Variants in NCOA1 observed in about 807,000 individuals in gnomAD.
The protein encoded by NCOA1 is nuclear receptor coactivator 1, also known as Hin-2 protein.
A neutral mutation model predicts 150.9 loss-of-function variants in NCOA1; 35 were observed. That is an observed-to-expected ratio of 0.23 (90% confidence interval 0.18 to 0.31). NCOA1 has a LOEUF of 0.31. NCOA1 is among the 10% of genes least tolerant of loss of function. NCOA1 has a pLI of 1.00. For synonymous variants in NCOA1, 590 were observed against 630.0 expected (o/e 0.94, Z 0.95); for missense variants, 1,491 against 1,749.3 (o/e 0.85, Z 2.63).
At chr2:24,518,043 G>A (rs1664275100) in intron 1 of NCOA1, among the ~76,000 whole-genome samples, 1 of 151,892 alleles carries the variant, frequency 6.6e-6, no homozygotes, top group South Asian at 2.1e-4. Context: ...AACATAACTA[G>A]TAATAACAAC....
At chr2:24,618,490 A>G (rs1434883924) in intron 3 of NCOA1, among the ~76,000 whole-genome samples, 1 of 152,204 alleles carries the variant, frequency 6.6e-6, no homozygotes, top group Non-Finnish European at 1.5e-5. Context: ...CAGCCAATGG[A>G]ATTCAGCCAA....
At chr2:24,717,868 A>C (rs1004987455) in intron 14 of NCOA1, among the ~76,000 whole-genome samples, 1 of 152,156 alleles carries the variant, frequency 6.6e-6, no homozygotes, top group African/African-American at 2.4e-5. Flanking sequence ...GGAAGATATG[A>C]AAATGGCAAA....
chr2:24,549,256 T>C (rs535584166), intron 1 of NCOA1, among the ~76,000 whole-genome samples: 1 of 152,352 alleles, frequency 6.6e-6, no homozygotes, highest in South Asian at 2.1e-4. Flanking sequence ...AGTTGTACCT[T>C]GGCCCCTTTT....
chr2:24,749,489 C>T (rs756099750), intron 19 of NCOA1, among the ~76,000 whole-genome samples: 1 of 152,186 alleles, frequency 6.6e-6, no homozygotes, highest in Non-Finnish European at 1.5e-5. Flanking sequence ...AAGAGGGAAC[C>T]ATCTTCAAAG....
chr2:24,565,292 A>AT (rs974546639), intron 2 of NCOA1, among the ~76,000 whole-genome samples: 1 of 152,196 alleles, frequency 6.6e-6, no homozygotes, highest in African/African-American at 2.4e-5. Context: ...AAAACAAAAT[A>AT]TTTTTTATTT....
intron 1 of NCOA1, among the ~76,000 whole-genome samples, chr2:24,500,233 C>CT (rs1314626855): frequency 6.6e-6 from 1 of 152,146 alleles, no homozygotes; most frequent in Non-Finnish European, 1.5e-5. Flanking sequence ...CTCAGATTCC[C>CT]TAGTAGCTGG....
chr2:24,514,285 CAAAAAAA>C (rs57412614), intron 1 of NCOA1, among the ~76,000 whole-genome samples: 12 of 32,942 alleles, frequency 3.6e-4, no homozygotes, highest in African/African-American at 1.5e-3. Context: ...GACTCTGTCT[CAAAAAAA>C]AAAAAAAAAA....
chr2:24,584,850 T>A (rs1667335189), intron 3 of NCOA1, among the ~76,000 whole-genome samples: 1 of 152,216 alleles, frequency 6.6e-6, no homozygotes, highest in Non-Finnish European at 1.5e-5. Flanking sequence ...TTGCAGTATT[T>A]CAGACGTTTT....
At chr2:24,638,956 G>A (rs928531298) in intron 3 of NCOA1, among the ~76,000 whole-genome samples, 18 of 151,960 alleles carry the variant, frequency 1.2e-4, no homozygotes, top group Admixed American at 2.0e-4. Context: ...TACATTCCTC[G>A]GATATACCAC....
At chr2:24,617,407 T>G (rs903308505) in intron 3 of NCOA1, among the ~76,000 whole-genome samples, 2 of 152,198 alleles carry the variant, frequency 1.3e-5, no homozygotes, top group Non-Finnish European at 2.9e-5. Context: ...TTTTTACTTG[T>G]TCTTCCAGCT....
intron 1 of NCOA1, among the ~76,000 whole-genome samples, chr2:24,519,222 A>G (rs192324241): frequency 1.7e-4 from 26 of 152,354 alleles, no homozygotes; most frequent in Admixed American, 7.8e-4. Flanking sequence ...TTATAATTCA[A>G]TCATAAAAAG....
At chr2:24,674,093 C>T (rs370723362) in intron 7 of NCOA1, among the ~76,000 whole-genome samples, 4 of 150,168 alleles carry the variant, frequency 2.7e-5, no homozygotes, top group East Asian at 2.0e-4. Flanking sequence ...GCTTTCTCTC[C>T]TACATGAATG....
In NCOA1 at chr2:24,703,585, G is replaced by A. The variant is rs1190927264; in HGVS notation, c.950-1501G>A. ...GTATGCCAGTGATTTAGCTGAAATTGCCAGGTGTGTAAAGAATGTGGTTGG... is the reference window on the plus strand; with the variant it reads ...GTATGCCAGTGATTTAGCTGAAATTACCAGGTGTGTAAAGAATGTGGTTGG... On this transcript the variant is annotated intron_variant, in intron 11 of 22. Transcript: ENST00000348332. 2.6e-5 allele frequency among the ~76,000 whole-genome samples: 4 copies of A among 152,254 alleles called. No homozygotes were observed. In the South Asian group the frequency reaches 6.2e-4, roughly 24 times the overall value.
intron 5 of NCOA1, among the ~76,000 whole-genome samples, chr2:24,660,459 G>T (rs1671134347): frequency 6.6e-6 from 1 of 151,684 alleles, no homozygotes; most frequent in Non-Finnish European, 1.5e-5. Flanking sequence ...AATTATGTGT[G>T]TATTTTATAT....
At chr2:24,695,636 T>C (rs1214567168) in intron 10 of NCOA1, among the ~76,000 whole-genome samples, 2 of 152,356 alleles carry the variant, frequency 1.3e-5, no homozygotes, top group South Asian at 4.1e-4. Context: ...TAACTCTTCA[T>C]GGGATGATCC....
chr2:24,527,626 G>A (rs908258029), intron 1 of NCOA1, among the ~76,000 whole-genome samples: 1 of 152,166 alleles, frequency 6.6e-6, no homozygotes, highest in Admixed American at 6.5e-5. Flanking sequence ...CAATGAACAT[G>A]AGAGTGCAGA....
At chr2:24,635,593 G>T (rs1202547632) in intron 3 of NCOA1, among the ~76,000 whole-genome samples, 2 of 152,208 alleles carry the variant, frequency 1.3e-5, no homozygotes, top group Non-Finnish European at 2.9e-5. Context: ...TTTCTTGGAA[G>T]TCAAATAATA....
intron 3 of NCOA1, among the ~76,000 whole-genome samples, chr2:24,634,985 G>C (rs952173009): frequency 6.6e-6 from 1 of 151,984 alleles, no homozygotes; most frequent in Non-Finnish European, 1.5e-5. Context: ...CCAAAGTGTT[G>C]GGATTACAGG....
chr2:24,745,087 T>C (rs1157358820), intron 19 of NCOA1, among the ~76,000 whole-genome samples: 1 of 152,196 alleles, frequency 6.6e-6, no homozygotes, highest in East Asian at 1.9e-4. Context: ...AAGAAACTTT[T>C]CTAGACTACC....
Sources: gnomAD v4.1 joint callset for allele counts (sites outside exome capture counted in the v4.1 genomes callset) on GRCh38, gnomAD v4.1.1 for gene constraint, MANE v1.5 for transcripts, NCBI Gene and HGNC (gene_info 2026-07-23, HGNC 2026-07-21) for gene names.